Variants in ATP2B2 observed in about 807,000 individuals in gnomAD.
ATP2B2 encodes plasma membrane calcium-transporting ATPase 2.
A neutral mutation model predicts 120.0 loss-of-function variants in ATP2B2; 15 were observed. The observed-to-expected ratio is 0.12, with a 90% confidence interval of 0.08 to 0.19. ATP2B2 has a LOEUF of 0.19. Ranked by LOEUF, ATP2B2 falls within the 10% of genes least tolerant of loss-of-function variation. The pLI, the probability that ATP2B2 is intolerant of heterozygous loss-of-function variation, is 1.00. For missense variants in ATP2B2, 1,045 were observed against 1,719.8 expected (o/e 0.61, Z 6.94); for synonymous variants, 694 against 700.3 (o/e 0.99, Z 0.14).
chr3:10,452,136 G>T (rs2064078946), intron 1 of ATP2B2, among the ~76,000 whole-genome samples: 2 of 152,388 alleles, frequency 1.3e-5, no homozygotes, highest in East Asian at 1.9e-4. Flanking sequence ...GTTCAGAGGG[G>T]TGAAGTCACT....
In ATP2B2 at chr3:10,410,721, G is replaced by A. The variant is rs61734386; in HGVS notation, c.294C>T (p.Leu98=). Residue 98 remains leucine, a synonymous_variant, in exon 3 of 23, where the codon CTC becomes CTT. Transcript: ENST00000360273. The part of the protein sequence containing the change: ...PPKKPKTFLQ[L]VWEALQDVTL... ...TCACGTCCTGCAGCGCCTCCCACAC[G>A]AGCTGCAGGAAGGTTTTTGGCTTCT... 307 of 1,614,192 alleles carry A rather than the reference G, an allele frequency of 1.9e-4. No homozygotes were observed. Among genetic ancestry groups the A allele is most frequent in the Middle Eastern group, 3.3e-4 (2 of 6,058 alleles).
chr3:10,510,220 G>A (rs1271576587), upstream of ATP2B2, among the ~76,000 whole-genome samples: 3 of 152,298 alleles, frequency 2.0e-5, no homozygotes, highest in South Asian at 2.1e-4. Context: ...GGCTTCTGGC[G>A]AATTCTGGCC....
At chr3:10,456,231 G>A (rs2064254308) in intron 1 of ATP2B2, among the ~76,000 whole-genome samples, 1 of 152,194 alleles carries the variant, frequency 6.6e-6, no homozygotes, top group South Asian at 2.1e-4. Context: ...TGGGACAGTC[G>A]TACATGAATT....
chr3:10,482,816 C>T (rs895712543), intron 1 of ATP2B2, among the ~76,000 whole-genome samples: 10 of 152,232 alleles, frequency 6.6e-5, no homozygotes, highest in Admixed American at 1.3e-4. Flanking sequence ...GAAAGGCCTC[C>T]GTCTGCCATC....
intron 2 of ATP2B2, among the ~76,000 whole-genome samples, chr3:10,561,475 A>G (rs1023737474): frequency 1.3e-5 from 2 of 152,188 alleles, no homozygotes; most frequent in Non-Finnish European, 2.9e-5. Flanking sequence ...TAGTATTATC[A>G]TTATCCTCAT....
At chr3:10,445,150 T>C (rs559422274) in intron 2 of ATP2B2, among the ~76,000 whole-genome samples, 2 of 152,366 alleles carry the variant, frequency 1.3e-5, no homozygotes, top group Non-Finnish European at 2.9e-5. Context: ...ATAATAACAA[T>C]GATAATAAAC....
At chr3:10,512,464 G>GCGCGCGCACACACACACACACACACACA (rs749056818) in intron 3 of ATP2B2, among the ~76,000 whole-genome samples, 1 of 136,926 alleles carries the variant, frequency 7.3e-6, no homozygotes, top group African/African-American at 2.9e-5. Context: ...AAGTGTGTGC[G>GCGCGCGCACACACACACACACACACACA]CACACACACA....
intron 2 of ATP2B2, among the ~76,000 whole-genome samples, chr3:10,412,799 C>T (rs533095310): frequency 6.6e-6 from 1 of 152,138 alleles, no homozygotes; most frequent in African/African-American, 2.4e-5. Flanking sequence ...GAGCCTGGCC[C>T]GAGGTGTGCA....
intron 2 of ATP2B2, among the ~76,000 whole-genome samples, chr3:10,579,701 T>C (rs540929557): frequency 3.9e-5 from 6 of 152,222 alleles, no homozygotes; most frequent in African/African-American, 1.4e-4. Context: ...TCCCAGTTAC[T>C]TGGGAGGCTG....
rs189158983 is a variant in ATP2B2 at position 10,447,632 on chromosome 3, A to G, written c.199+1713T>C. Among the ~76,000 whole-genome samples, 162 of 152,354 alleles carry G rather than the reference A, an allele frequency of 1.1e-3. 1 individual carries two copies. The highest frequency in any genetic ancestry group is 3.1e-3 in the African/African-American group (129 of 41,596). ...CAATCAACAGGCAAAGGCCACTTGA[A>G]CAACCCTGCCTGCCAGCGTCCTCAT... On this transcript the variant is annotated intron_variant, in intron 2 of 22. Transcript: ENST00000360273.
At chr3:10,334,723 G>A (rs912132096) in intron 22 of ATP2B2, among the ~76,000 whole-genome samples, 2 of 152,224 alleles carry the variant, frequency 1.3e-5, no homozygotes. Context: ...GTGGACATTT[G>A]CCATCAACAG....
chr3:10,338,646 T>C (rs549515368), intron 21 of ATP2B2: 138 of 432,694 alleles, frequency 3.2e-4, no homozygotes, highest in African/African-American at 2.7e-3. Context: ...AATCTTGGCC[T>C]CTAGGAGTTG....
At chr3:10,655,039 T>C (rs2117396) in intron 1 of ATP2B2, among the ~76,000 whole-genome samples, 2 of 152,050 alleles carry the variant, frequency 1.3e-5, no homozygotes, top group African/African-American at 4.8e-5. Flanking sequence ...GAGCACAGGA[T>C]GCTTCCACGT....
intron 12 of ATP2B2, among the ~76,000 whole-genome samples, chr3:10,369,113 C>T (rs2061153991): frequency 1.3e-5 from 2 of 152,230 alleles, no homozygotes; most frequent in Admixed American, 1.3e-4. Flanking sequence ...AGGCTCATTT[C>T]CCAATTAAAG....
At chr3:10,334,280 C>T (rs890463624) in intron 22 of ATP2B2, among the ~76,000 whole-genome samples, 5 of 152,242 alleles carry the variant, frequency 3.3e-5, no homozygotes, top group Admixed American at 6.5e-5. Flanking sequence ...TGCTAGCAGG[C>T]AGCCCCAGCC....
chr3:10,618,587 G>A lies in ATP2B2; in HGVS notation c.-415+1330C>T, dbSNP rs148859793. Reference sequence around the variant, plus strand: ...AAAATCGGAGGAGGAAGCATGCTTCGCCCCTGCCAGCTCTTTAGTCTCTCC... The same window carrying A: ...AAAATCGGAGGAGGAAGCATGCTTCACCCCTGCCAGCTCTTTAGTCTCTCC... On this transcript the variant is annotated intron_variant, in intron 2 of 21. Coordinates refer to the ATP2B2 transcript ENST00000646379. Among the ~76,000 whole-genome samples, 577 of 152,170 alleles carry A rather than the reference G, an allele frequency of 3.8e-3. 21 individuals carry two copies. The highest frequency in any genetic ancestry group is 0.034 in the Admixed American group (526 of 15,282).
chr3:10,362,208 C>T (rs1445521323), intron 12 of ATP2B2, among the ~76,000 whole-genome samples: 1 of 152,232 alleles, frequency 6.6e-6, no homozygotes, highest in Non-Finnish European at 1.5e-5. Context: ...TCTGCATCCT[C>T]GTCCTCAGTC....
In ATP2B2 at chr3:10,413,220, C is replaced by T. The variant is rs1425728708; in HGVS notation, c.200-2405G>A. ...CGTGGATGTCAGAGCTCAGTGGTTC[C>T]GGGAGTCCAGCAGCCTGTGGTTTGG... On this transcript the variant is annotated intron_variant, in intron 2 of 22. Transcript: ENST00000360273. Among the ~76,000 whole-genome samples the T allele has an allele frequency of 4.6e-5, 7 of 152,168 alleles. 1 individual carries two copies. Among genetic ancestry groups the T allele is most frequent in the East Asian group, 3.9e-4 (2 of 5,188 alleles).
chr3:10,665,163 C>T (rs1559511153), intron 1 of ATP2B2, among the ~76,000 whole-genome samples: 1 of 152,216 alleles, frequency 6.6e-6, no homozygotes, highest in Non-Finnish European at 1.5e-5. Context: ...CCTGAAGCTT[C>T]CCTTTGCATT....
Sources: gnomAD v4.1 joint callset for allele counts (sites outside exome capture counted in the v4.1 genomes callset) on GRCh38, gnomAD v4.1.1 for gene constraint, MANE v1.5 for transcripts, NCBI Gene and HGNC (gene_info 2026-07-23, HGNC 2026-07-21) for gene names.